Variants in STAT2 observed in about 807,000 individuals in gnomAD.
STAT2 encodes signal transducer and activator of transcription 2.
A neutral mutation model predicts 122.3 loss-of-function variants in STAT2; 51 were observed. The observed-to-expected ratio is 0.42, with a 90% CI of 0.33 to 0.53. The LOEUF (loss-of-function observed/expected upper bound fraction) is 0.53. STAT2 is among the 20% of genes least tolerant of loss of function. The probability of loss-of-function intolerance (pLI) is 0.10; values close to 1 mark genes in which losing one functional copy is unlikely to be tolerated. For missense variants in STAT2, 736 were observed against 1,010.3 expected (o/e 0.73, Z 3.68); for synonymous variants, 351 against 394.9 (o/e 0.89, Z 1.32).
chr12:56,346,092 C>T, intron 22 of STAT2, 54 bp downstream of exon 22: 5 of 1,613,390 alleles, frequency 3.1e-6, no homozygotes, highest in Non-Finnish European at 2.5e-6. Flanking sequence ...TGACGATTCA[C>T]TGAAGCAGAG....
chr12:56,344,095 C>G lies in STAT2; in HGVS notation c.2143G>C (p.Glu715Gln), dbSNP rs780008756. ...ELQQPLELKP[E>Q]PELESLELEL... The stretch of plus-strand genomic sequence containing the variant: ...AGCTCTAATGACTCCAGCTCTGGCT[C>G]TGGCTTAAGCTCCAGCGGTTGTTGC... The change falls in exon 23 of 24, where the codon GAG (glutamate) becomes CAG (glutamine). Residue 715 changes from glutamate (E) to glutamine (Q), a missense_variant. Glu to Gln is a conservative substitution (Grantham distance 29). Coordinates refer to ENST00000314128, the MANE Select transcript of STAT2 (RefSeq NM_005419.4). The G allele has an allele frequency of 1.3e-6, 2 of 1,577,702 alleles. No homozygotes were observed. The highest frequency in any genetic ancestry group is 1.7e-6 in the Non-Finnish European group (2 of 1,160,424).
In STAT2 at chr12:56,348,931, C is replaced by T; in HGVS notation, c.1569G>A (p.Lys523=). 2.5e-6 allele frequency: 4 copies of T among 1,613,354 alleles called. No homozygotes were observed. The highest frequency in any genetic ancestry group is 3.4e-6 in the Non-Finnish European group (4 of 1,179,596). Residue 523 remains lysine, a synonymous_variant, in exon 17 of 24, where the codon AAG becomes AAA. Transcript: ENST00000314128. ...AGAAAAGGAAATCTGTACCGAACAG[C>T]TTGTTTCTCAGCATGCTCAGCTGGT... is the stretch of plus-strand genomic sequence containing the variant. ...NSDQLSMLRN[K]LFGQNCRTED...
Position 56,346,580 on chromosome 12 carries a change from G to A in STAT2, c.1906C>T (p.Leu636=), listed in dbSNP as rs1313032317. 9.3e-6 allele frequency: 15 copies of A among 1,614,202 alleles called. No individual in the cohort carries two copies. The highest frequency in any genetic ancestry group is 1.3e-5 in the Non-Finnish European group (15 of 1,180,040). ...YSVQPYTKEV[L]QSLPLTEIIR... is the part of the protein sequence containing the mutation. ...ATTTCAGTCAGCGGGAGTGACTGCA[G>A]CACCTCCTTCGTGTACGGTTGCACA... Residue 636 remains leucine (L), a synonymous_variant, in exon 21 of 24, where the codon CTG becomes TTG. Transcript: ENST00000314128.
intron 8 of STAT2, chr12:56,352,311 C>A (rs966136441): frequency 2.0e-4 from 25 of 127,726 alleles, no homozygotes; most frequent in African/African-American, 7.6e-4. Flanking sequence ...AAAATAGATT[C>A]GATTGGGACA....
chr12:56,350,617 G>A (rs1878315309), intron 11 of STAT2, among the ~76,000 whole-genome samples, 185 bp from the exon 12 acceptor site: 1 of 152,166 alleles, frequency 6.6e-6, no homozygotes, highest in Admixed American at 6.5e-5. Context: ...ACTGGTAATA[G>A]TTTATTCATG....
intron 8 of STAT2, 121 bp downstream of exon 8, chr12:56,354,345 G>A: frequency 6.7e-7 from 1 of 1,481,498 alleles, no homozygotes; most frequent in East Asian, 2.3e-5. Context: ...TCAGCAGGGA[G>A]CAGGGCTCAT....
At chr12:56,353,341 C>T (rs1188805404) in intron 8 of STAT2, among the ~76,000 whole-genome samples, 1 of 150,634 alleles carries the variant, frequency 6.6e-6, no homozygotes, top group African/African-American at 2.5e-5. Flanking sequence ...TTATGTTTCC[C>T]GGGCTGGTCT....
chr12:56,348,087 G>GTTTTTT lies in STAT2; in HGVS notation c.1724+436_1724+441dup, dbSNP rs745864117. Among the ~76,000 whole-genome samples, 17 of 119,568 alleles carry GTTTTTT rather than the reference G, an allele frequency of 1.4e-4. 1 individual carries two copies. Among genetic ancestry groups the GTTTTTT allele is most frequent in the Non-Finnish European group, 2.8e-4 (16 of 56,728 alleles). The allele number at this position is 119,568 out of a possible 152,430, so 78.4% of individuals were successfully genotyped here. ...ACACTGTTTATGGCTATTATTGGTT[G>GTTTTTT]TTTTTTTTTTTTTTTTTTTGAGACG... On this transcript the variant is annotated intron_variant, in intron 19 of 23. Transcript: ENST00000314128.
At chr12:56,347,663 G>A (rs898572134) in intron 19 of STAT2, among the ~76,000 whole-genome samples, 1 of 151,948 alleles carries the variant, frequency 6.6e-6, no homozygotes, top group East Asian at 1.9e-4. Context: ...CACCACACCC[G>A]GCTAATTTTT....
chr12:56,343,435 G>A lies in STAT2; in HGVS notation c.2510C>T (p.Pro837Leu), dbSNP rs143765243. ...NTVDEVYVSRPSHFYTDGPLM... is the reference protein window; with the variant it reads ...NTVDEVYVSRLSHFYTDGPLM... ...GGGTCCATCAGTGTAGAAGTGGCTG[G>A]GGCGGGAGACGTAAACCTCATCCAC... Residue 837 changes from proline (P) to leucine (L), a missense_variant, in exon 24 of 24, where the codon CCC (proline) becomes CTC (leucine). By Grantham distance (98) the Pro-to-Leu change is moderately conservative. Coordinates refer to ENST00000314128, the MANE Select transcript of STAT2 (RefSeq NM_005419.4). The A allele has an allele frequency of 5.0e-6, 8 of 1,614,192 alleles. No individual in the cohort carries two copies. The South Asian group carries it at 7.7e-5, about 16-fold the overall frequency.
intron 22 of STAT2, among the ~76,000 whole-genome samples, chr12:56,345,015 AAAC>A (rs573042909): frequency 0.015 from 2,199 of 148,282 alleles, 73 homozygotes; most frequent in African/African-American, 0.053. Context: ...CTCAAAAAAA[AAAC>A]AAAAATTAAC....
At chr12:56,352,156 C>T (rs1878591643) in intron 8 of STAT2, among the ~76,000 whole-genome samples, 1 of 152,072 alleles carries the variant, frequency 6.6e-6, no homozygotes. Flanking sequence ...ACCTTGGCCT[C>T]CCAAAGTGCT....
intron 23 of STAT2, 146 bp from the exon 24 acceptor site, chr12:56,343,677 G>GGCAT (rs1876908446): frequency 6.6e-7 from 1 of 1,520,830 alleles, no homozygotes; most frequent in Non-Finnish European, 8.8e-7. Flanking sequence ...GGTGGGGGAA[G>GGCAT]GCATGTGTAA....
At position 56,343,918 on chromosome 12, in the gene STAT2, C is replaced by T. The variant is rs1876959985; in HGVS notation, c.2320G>A (p.Val774Met). Residue 774 changes from valine to methionine, a missense_variant, in exon 23 of 24, where the codon GTG becomes ATG. Transcript: ENST00000314128. ...ACAGGTCCTTGGTCTGGCTCTGGCA[C>T]TGTTTGTGATACCATGCATAGTGTG... Reference protein sequence around the residue: ...EPTLCMVSQTVPEPDQGPVSQ... With the variant: ...EPTLCMVSQTMPEPDQGPVSQ... The T allele has an allele frequency of 2.5e-6, 4 of 1,614,188 alleles. No homozygotes were observed. The East Asian group carries it at 6.7e-5, about 27-fold the overall frequency.
rs369269721 is a variant in STAT2, at chr12:56,354,498, G to C, written c.750C>G (p.Pro250=). ...CCAGCTGTTCCAACCCGTGGTCAAT[G>C]GGAGCTCTGATGCAGGCTTTTTGCT... ...AQQQKACIRA[P]IDHGLEQLET... Residue 250 remains proline, a synonymous_variant, in exon 8 of 24, where the codon CCC becomes CCG. Transcript: ENST00000314128. 6.2e-7 allele frequency: 1 copy of C among 1,614,080 alleles called. No homozygotes were observed. Among genetic ancestry groups the C allele is most frequent in the Non-Finnish European group, 8.5e-7 (1 of 1,180,030 alleles).
chr12:56,346,688 T>C, intron 20 of STAT2, 64 bp from the exon 21 acceptor site: 1 of 1,604,280 alleles, frequency 6.2e-7, no homozygotes, highest in Non-Finnish European at 8.5e-7. Context: ...AGCTCTCTGC[T>C]CTGGCTGCCC....
Position 56,350,448 on chromosome 12 carries a change from T to C in STAT2, c.1095-16A>G. The C allele has an allele frequency of 6.3e-7, 1 of 1,595,372 alleles. No homozygotes were observed. The highest frequency in any genetic ancestry group is 8.5e-7 in the Non-Finnish European group (1 of 1,173,834). ...AGGAGGATTCCTGAAAAGAAATAAA[T>C]TTAAAAAAATCATTGGGCAAAAGAG... On this transcript the variant is annotated splice_polypyrimidine_tract_variant and intron_variant, in intron 11 of 23. Transcript: ENST00000314128.
Position 56,346,456 on chromosome 12 carries a change from T to C in STAT2, c.2030A>G (p.Tyr677Cys), listed in dbSNP as rs1592467176. The change falls in exon 21 of 24, where the codon TAC (tyrosine) becomes TGC (cysteine). Residue 677 changes from tyrosine to cysteine, a missense_variant. By Grantham distance (194) the Tyr-to-Cys change is radical. Transcript: ENST00000314128. ...RIPRDEAFGC[Y>C]YQEKVNLQER... is the part of the protein sequence containing the mutation. The stretch of plus-strand genomic sequence containing the variant: ...ACGATTCCCACCTTTCTCCTGGTAG[T>C]AGCACCCAAAAGCTTCATCCCGGGG... The C allele has an allele frequency of 6.2e-7, 1 of 1,614,202 alleles. No homozygotes were observed. Among genetic ancestry groups the C allele is most frequent in the Middle Eastern group, 1.7e-4 (1 of 6,060 alleles).
At position 56,343,209 on chromosome 12, in the gene STAT2, C is replaced by T. The variant is rs1876830705; in HGVS notation, c.*180G>A. 3 of 732,416 alleles carry T rather than the reference C, an allele frequency of 4.1e-6. No individual in the cohort carries two copies. The highest frequency in any genetic ancestry group is 1.8e-5 in the African/African-American group (1 of 56,604). The allele number at this position is 732,416 out of a possible 1,614,324, so 45.4% of individuals were successfully genotyped here. ...GCATCTGTTCTGATTCATTGTTGTC[C>T]CCTCTGTACCCATGTTATGCTTTCA... On this transcript the variant is annotated 3_prime_UTR_variant, in exon 24 of 24. Transcript: ENST00000314128.
Sources: gnomAD v4.1 joint callset for allele counts (sites outside exome capture counted in the v4.1 genomes callset) on GRCh38, gnomAD v4.1.1 for gene constraint, MANE v1.5 for transcripts, NCBI Gene and HGNC (gene_info 2026-07-23, HGNC 2026-07-21) for gene names.